GLIS3: variants seen among roughly 807,000 people sequenced by gnomAD.
GLIS3 encodes the protein GLIS family zinc finger 3.
A neutral mutation model predicts 78.6 loss-of-function variants in GLIS3; 53 were observed. The observed-to-expected ratio is 0.67, with a 90% CI of 0.54 to 0.85. GLIS3 has a LOEUF of 0.85. GLIS3 is among the 40% of genes least tolerant of loss of function. GLIS3 has a pLI of 0.00. For missense variants in GLIS3, 1,703 were observed against 1,231.1 expected, an observed-to-expected ratio of 1.38 and a Z score of -5.74; for synonymous variants, 684 against 509.9, an observed-to-expected ratio of 1.34 and a Z score of -4.60.
At chr9:4,285,268 C>T (rs1400411468) in intron 2 of GLIS3, among the ~76,000 whole-genome samples, 2 of 152,108 alleles carry the variant, frequency 1.3e-5, no homozygotes, top group Non-Finnish European at 2.9e-5. Context: ...TACAATATAA[C>T]CTCATTAATT....
At chr9:4,398,287 A>C in the GLIS3 span, among the ~76,000 whole-genome samples, 1 of 152,034 alleles carries the variant, frequency 6.6e-6, no homozygotes, top group Non-Finnish European at 1.5e-5. Context: ...TGATACTCAA[A>C]ATATGATCCC....
intron 8 of GLIS3, among the ~76,000 whole-genome samples, chr9:3,874,728 GA>G (rs1376168304): frequency 6.8e-4 from 103 of 152,308 alleles, no homozygotes; most frequent in African/African-American, 2.4e-3. Context: ...TGGGCTGGGG[GA>G]AAACCCCCAC....
At chr9:4,142,376 G>A (rs1036359834) in intron 2 of GLIS3, among the ~76,000 whole-genome samples, 6 of 152,104 alleles carry the variant, frequency 3.9e-5, no homozygotes, top group Non-Finnish European at 8.8e-5. Context: ...AAGATTCTAT[G>A]GTTTTCAATG....
chr9:4,056,698 T>C (rs1011286120), intron 4 of GLIS3, among the ~76,000 whole-genome samples: 1 of 151,988 alleles, frequency 6.6e-6, no homozygotes, highest in Non-Finnish European at 1.5e-5. Context: ...TGTGCATATA[T>C]ATACAGAGTG....
At chr9:3,848,517 TAAAATA>T (rs906468620) in intron 9 of GLIS3, among the ~76,000 whole-genome samples, 10 of 151,810 alleles carry the variant, frequency 6.6e-5, no homozygotes, top group Admixed American at 6.6e-4. Context: ...AATAAATAAA[TAAAATA>T]AAAATAAAAA....
intron 4 of GLIS3, among the ~76,000 whole-genome samples, chr9:4,025,519 C>T (rs1451844102): frequency 5.3e-5 from 8 of 152,068 alleles, no homozygotes; most frequent in Admixed American, 3.9e-4. Context: ...TCCCGAGTAG[C>T]TGGGATTACA....
chr9:3,861,220 T>C (rs553430858), intron 8 of GLIS3, among the ~76,000 whole-genome samples: 3 of 152,306 alleles, frequency 2.0e-5, no homozygotes, highest in African/African-American at 7.2e-5. Context: ...TATAGAGTTC[T>C]TAGAAAATCT....
chr9:4,321,792 T>A (rs1275362792), intron 2 of GLIS3, among the ~76,000 whole-genome samples: 1 of 152,096 alleles, frequency 6.6e-6, no homozygotes, highest in East Asian at 1.9e-4. Flanking sequence ...TACCACAGCC[T>A]CCACCTCCCG....
chr9:4,387,011 G>A, the GLIS3 span, among the ~76,000 whole-genome samples: 5 of 152,196 alleles, frequency 3.3e-5, no homozygotes, highest in Admixed American at 3.3e-4. Flanking sequence ...ATGGCCAGGG[G>A]TGGTGTCTTC....
At chr9:4,374,654 C>A in the GLIS3 span, among the ~76,000 whole-genome samples, 1 of 152,196 alleles carries the variant, frequency 6.6e-6, no homozygotes, top group African/African-American at 2.4e-5. Flanking sequence ...TCTTCTCCAC[C>A]AGGAGGAAGA....
At chr9:4,099,053 T>G (rs1177154652) in intron 4 of GLIS3, among the ~76,000 whole-genome samples, 1 of 152,144 alleles carries the variant, frequency 6.6e-6, no homozygotes, top group Non-Finnish European at 1.5e-5. Flanking sequence ...CAAAGTGCAA[T>G]GTCCCACAGC....
chr9:4,445,270 T>A, the GLIS3 span, among the ~76,000 whole-genome samples: 6 of 152,290 alleles, frequency 3.9e-5, no homozygotes, highest in Non-Finnish European at 8.8e-5. Context: ...GCTGTAGCAT[T>A]TTTCATCACT....
intron 2 of GLIS3, among the ~76,000 whole-genome samples, chr9:4,139,037 G>A (rs1423455320): frequency 6.6e-6 from 1 of 152,168 alleles, no homozygotes; most frequent in Non-Finnish European, 1.5e-5. Flanking sequence ...TAATCTCAGG[G>A]TGAGACCAGG....
intron 2 of GLIS3, among the ~76,000 whole-genome samples, chr9:4,253,786 A>G (rs1031407827): frequency 2.0e-5 from 3 of 152,176 alleles, no homozygotes; most frequent in African/African-American, 7.2e-5. Flanking sequence ...GACCATGGGA[A>G]AAGCGCAGTA....
At chr9:4,265,619 T>C (rs2130079644) in intron 2 of GLIS3, among the ~76,000 whole-genome samples, 1 of 152,334 alleles carries the variant, frequency 6.6e-6, no homozygotes, top group Non-Finnish European at 1.5e-5. Context: ...TTGCCTGAAA[T>C]TTAATTAAGT....
intron 9 of GLIS3, among the ~76,000 whole-genome samples, chr9:3,837,915 G>A (rs1299040437): frequency 6.6e-6 from 1 of 150,934 alleles, no homozygotes; most frequent in Non-Finnish European, 1.5e-5. Flanking sequence ...TGAAACTGAT[G>A]TGTCATTGTA....
intron 4 of GLIS3, among the ~76,000 whole-genome samples, chr9:4,080,072 TCTGCCTGC>T (rs1287405106): frequency 2.6e-5 from 4 of 152,252 alleles, no homozygotes; most frequent in African/African-American, 4.8e-5. Context: ...TGTGCAGGAA[TCTGCCTGC>T]TTGTCAAATT....
upstream of GLIS3, among the ~76,000 whole-genome samples, chr9:4,302,866 A>G (rs923458994): frequency 1.3e-5 from 2 of 152,222 alleles, no homozygotes; most frequent in Non-Finnish European, 2.9e-5. Flanking sequence ...GCAATGTGAC[A>G]TGGAGTAGCT....
the GLIS3 span, among the ~76,000 whole-genome samples, chr9:4,402,671 G>A: frequency 1.3e-5 from 2 of 152,136 alleles, no homozygotes; most frequent in Admixed American, 6.6e-5. Context: ...GTTGGAAAAT[G>A]CAATTGACAT....
Sources: allele counts gnomAD v4.1 joint callset (sites outside exome capture counted in the v4.1 genomes callset), GRCh38; gene constraint gnomAD v4.1.1; transcripts MANE v1.5; gene names NCBI Gene and HGNC (gene_info 2026-07-23, HGNC 2026-07-21).